CLSTN2: variants seen among roughly 807,000 people sequenced by gnomAD.
CLSTN2 encodes the protein calsyntenin 2, also known as calsyntenin-2.
CLSTN2 carries 48 observed loss-of-function variants against 101.2 expected under a neutral mutation model. That is an observed-to-expected ratio of 0.47 (90% CI 0.38 to 0.60). The LOEUF (loss-of-function observed/expected upper bound fraction) is 0.60. CLSTN2 is among the 20% of genes least tolerant of loss of function. The pLI is 0.00. For missense variants in CLSTN2, 1,160 were observed against 1,238.2 expected, an observed-to-expected ratio of 0.94 and a Z score of 0.95; for synonymous variants, 481 against 463.6, an observed-to-expected ratio of 1.04 and a Z score of -0.48.
chr3:140,448,626 A>G lies in CLSTN2; in HGVS notation c.895A>G (p.Thr299Ala), dbSNP rs777611918. 44 of 1,614,006 alleles carry G rather than the reference A, an allele frequency of 2.7e-5. No individual in the cohort carries two copies. In the South Asian group the frequency reaches 4.6e-4, roughly 17 times the overall value. ...DGAVSSLQIV[T>A]ELQTNYIGKG... is the part of the protein sequence containing the mutation. ...AGCCGTGTCTTCCCTCCAGATCGTC[A>G]CAGAGCTGCAGACTAATTACATTGG... The change falls in exon 6 of 17, where the codon ACA becomes GCA. Residue 299 changes from threonine to alanine, a missense_variant. By Grantham distance (58) the Thr-to-Ala change is moderately conservative. Transcript: ENST00000458420.
chr3:140,283,249 C>T (rs563991339), intron 2 of CLSTN2, among the ~76,000 whole-genome samples: 33 of 152,182 alleles, frequency 2.2e-4, no homozygotes, highest in African/African-American at 7.5e-4. Flanking sequence ...CCTATGTGCC[C>T]CTCTAACCAA....
chr3:139,952,997 C>T (rs1173398542), intron 1 of CLSTN2, among the ~76,000 whole-genome samples: 1 of 152,088 alleles, frequency 6.6e-6, no homozygotes, highest in African/African-American at 2.4e-5. Context: ...TGGGGAAGGG[C>T]CAGCCCTACC....
At chr3:140,185,480 CATT>C (rs1436679835) in intron 2 of CLSTN2, among the ~76,000 whole-genome samples, 1 of 152,136 alleles carries the variant, frequency 6.6e-6, no homozygotes, top group Non-Finnish European at 1.5e-5. Flanking sequence ...GATGCAAACA[CATT>C]ATGGTATTTT....
At chr3:140,260,988 G>A (rs375438594) in intron 2 of CLSTN2, among the ~76,000 whole-genome samples, 1 of 152,256 alleles carries the variant, frequency 6.6e-6, no homozygotes, top group Admixed American at 6.5e-5. Context: ...ATCATGTTAA[G>A]TAAAGGATAT....
intron 2 of CLSTN2, among the ~76,000 whole-genome samples, chr3:140,196,925 T>A (rs2010650682): frequency 1.3e-5 from 2 of 152,236 alleles, no homozygotes; most frequent in Admixed American, 6.5e-5. Flanking sequence ...TCGTTGGCAA[T>A]TCCACATTTT....
At chr3:140,249,738 C>T (rs6439910) in intron 2 of CLSTN2, among the ~76,000 whole-genome samples, 149,070 of 152,306 alleles carry the variant, frequency 0.98, 73,016 homozygotes, top group East Asian at 1. Flanking sequence ...ATGTGATGAA[C>T]TTTAGCTATC....
chr3:139,967,110 G>C (rs1935614078), intron 1 of CLSTN2, among the ~76,000 whole-genome samples: 1 of 152,126 alleles, frequency 6.6e-6, no homozygotes, highest in Non-Finnish European at 1.5e-5. Context: ...CTGACCCCTG[G>C]GCCAGTGCTC....
At chr3:140,482,923 C>G (rs1375468944) in intron 8 of CLSTN2, among the ~76,000 whole-genome samples, 2 of 151,816 alleles carry the variant, frequency 1.3e-5, no homozygotes, top group African/African-American at 4.8e-5. Context: ...TTTGAAGAGT[C>G]TTTTTTGTCT....
intron 2 of CLSTN2, among the ~76,000 whole-genome samples, chr3:140,181,924 A>G (rs1397581952): frequency 6.6e-6 from 1 of 152,198 alleles, no homozygotes; most frequent in Non-Finnish European, 1.5e-5. Flanking sequence ...CCAGTTTTCC[A>G]GTGTGTAGGA....
chr3:140,546,831 C>T (rs563408262), intron 10 of CLSTN2, 150 bp downstream of exon 10: 10 of 673,092 alleles, frequency 1.5e-5, no homozygotes, highest in South Asian at 9.0e-5. Flanking sequence ...ATGGGGGTTC[C>T]GGAGGGAGAT....
chr3:140,500,797 G>T (rs1934561162), intron 8 of CLSTN2, among the ~76,000 whole-genome samples: 1 of 152,142 alleles, frequency 6.6e-6, no homozygotes, highest in Admixed American at 6.5e-5. Flanking sequence ...ATGGAATATT[G>T]TGGGGGTACT....
At chr3:140,367,536 G>T in intron 2 of CLSTN2, among the ~76,000 whole-genome samples, 1 of 140,156 alleles carries the variant, frequency 7.1e-6, no homozygotes, top group South Asian at 2.3e-4. Flanking sequence ...AAAAAAAAAG[G>T]AAAGAGAAGA....
Position 140,567,354 on chromosome 3 carries a change from A to G in CLSTN2, c.*1101A>G, listed in dbSNP as rs1985303354. 6.6e-6 allele frequency: 1 copy of G among 152,218 alleles called. No individual in the cohort carries two copies. Among genetic ancestry groups the G allele is most frequent in the Admixed American group, 6.5e-5 (1 of 15,286 alleles). 9.4% of individuals were successfully genotyped at this position (152,218 alleles called of 1,614,324 possible). On this transcript the variant is annotated 3_prime_UTR_variant, in exon 17 of 17. Transcript: ENST00000458420. ...GTATTAGAAACGCACGAGCTCCACC[A>G]AGTCTACAATGAAAGTTTGAAATTT...
At chr3:140,066,552 A>G (rs769513516) in intron 1 of CLSTN2, among the ~76,000 whole-genome samples, 18 of 152,236 alleles carry the variant, frequency 1.2e-4, no homozygotes, top group Admixed American at 2.0e-4. Flanking sequence ...TGAAAATACC[A>G]AACCTTTTTT....
intron 2 of CLSTN2, among the ~76,000 whole-genome samples, chr3:140,267,667 C>A (rs1422133257): frequency 6.6e-6 from 1 of 152,158 alleles, no homozygotes; most frequent in Non-Finnish European, 1.5e-5. Context: ...AGAAGTTTTG[C>A]TGTGCCCCAG....
rs996349416 is a variant in CLSTN2 at position 140,083,868 on chromosome 3, AT to A, written c.110-92075del. On this transcript the variant is annotated intron_variant, in intron 1 of 16. Transcript: ENST00000458420. ...AGCATGCATGTGTCTTAAGGTCAGC[AT>A]TTTTTTTCAAGTGTTTTTTCATTTC... 4.6e-5 allele frequency among the ~76,000 whole-genome samples: 7 copies of A among 151,996 alleles called. No individual in the cohort carries two copies. In the East Asian group the frequency reaches 7.7e-4, roughly 17 times the overall value.
chr3:140,407,938 T>C (rs891464411), intron 4 of CLSTN2, among the ~76,000 whole-genome samples: 2 of 152,102 alleles, frequency 1.3e-5, no homozygotes, highest in African/African-American at 4.8e-5. Context: ...ATGTTTAAGT[T>C]TGCAAACACG....
At chr3:140,362,439 AT>A (rs1210126461) in intron 2 of CLSTN2, among the ~76,000 whole-genome samples, 12 of 152,236 alleles carry the variant, frequency 7.9e-5, no homozygotes, top group African/African-American at 2.9e-4. Flanking sequence ...AGCATGACTC[AT>A]AAAAACATTT....
intron 2 of CLSTN2, among the ~76,000 whole-genome samples, chr3:140,241,785 T>C (rs1316355086): frequency 2.6e-5 from 2 of 77,860 alleles, no homozygotes; most frequent in Non-Finnish European, 5.2e-5. Context: ...AGAGGTCATA[T>C]GCGAGATATA....
Sources: allele counts gnomAD v4.1 joint callset (sites outside exome capture counted in the v4.1 genomes callset), GRCh38; gene constraint gnomAD v4.1.1; transcripts MANE v1.5; gene names NCBI Gene and HGNC (gene_info 2026-07-23, HGNC 2026-07-21).